AGAP1: variants seen among roughly 807,000 people sequenced by gnomAD.
AGAP1 encodes the protein ArfGAP with GTPase domain, ankyrin repeat and PH domain 1.
A neutral mutation model predicts 105.3 loss-of-function variants in AGAP1; 29 were observed. The ratio of observed to expected loss-of-function variants is 0.28; its 90% CI spans 0.21 to 0.38. AGAP1 has a LOEUF of 0.38. Among genes scored for constraint, AGAP1 ranks in the 10% least tolerant of loss-of-function variants. AGAP1 has a pLI of 1.00. For synonymous variants in AGAP1, 509 were observed against 485.9 expected (o/e 1.05, Z -0.63); for missense variants, 998 against 1,165.1 (o/e 0.86, Z 2.09).
intron 13 of AGAP1, among the ~76,000 whole-genome samples, chr2:236,004,500 G>A (rs1212394717): frequency 6.6e-6 from 1 of 152,178 alleles, no homozygotes; most frequent in Non-Finnish European, 1.5e-5. Context: ...ATAATTTCAA[G>A]CAGTGTTCTG....
chr2:236,049,054 C>G lies in AGAP1; in HGVS notation c.1892-5C>G, dbSNP rs202244981. On this transcript the variant is annotated splice_polypyrimidine_tract_variant and splice_region_variant and intron_variant, in intron 15 of 17. Coordinates refer to ENST00000304032, the MANE Select transcript of AGAP1 (RefSeq NM_001037131.3). ...GCGTTTAGCGTTCTGTTCCTCTTCCCGTAGATCCCAACTGGGCCAGTTTGA... is the reference window on the plus strand; with the variant it reads ...GCGTTTAGCGTTCTGTTCCTCTTCCGGTAGATCCCAACTGGGCCAGTTTGA... The G allele has an allele frequency of 3.1e-6, 5 of 1,612,198 alleles. No individual in the cohort carries two copies. In the South Asian group the frequency reaches 5.5e-5, roughly 18 times the overall value.
rs2049700196 is a variant in AGAP1 at position 235,875,847 on chromosome 2, C to T, written c.1051-7498C>T. ...TCTTCCAAAATACATTATAATTGCA[C>T]TAGGGACTTCTAAATTTTTATTCAA... On this transcript the variant is annotated intron_variant, in intron 9 of 17. Transcript: ENST00000304032. This position sits in a 1 kb window ranked among gnomAD's most constrained non-coding sequence, Gnocchi z 4.0. 6.6e-6 allele frequency among the ~76,000 whole-genome samples: 1 copy of T among 152,148 alleles called. No homozygotes were observed. Among genetic ancestry groups the T allele is most frequent in the Non-Finnish European group, 1.5e-5 (1 of 68,032 alleles).
chr2:235,500,957 C>T (rs1278021278), intron 1 of AGAP1, among the ~76,000 whole-genome samples: 1 of 152,186 alleles, frequency 6.6e-6, no homozygotes, highest in East Asian at 1.9e-4. Flanking sequence ...ACACCCTCCC[C>T]CAAACAACCA....
intron 1 of AGAP1, among the ~76,000 whole-genome samples, chr2:235,579,788 A>G (rs559267093): frequency 6.6e-6 from 1 of 152,226 alleles, no homozygotes; most frequent in African/African-American, 2.4e-5. Flanking sequence ...AAAAAAAAAA[A>G]AAGTGAACAC....
At chr2:236,094,560 C>CA (rs2059146865) in intron 16 of AGAP1, among the ~76,000 whole-genome samples, 1 of 151,996 alleles carries the variant, frequency 6.6e-6, no homozygotes, top group Non-Finnish European at 1.5e-5. Context: ...CCGTGTTGTT[C>CA]AGGCTGGTCT....
chr2:235,925,701 C>T (rs1285122530), intron 11 of AGAP1, among the ~76,000 whole-genome samples: 3 of 152,124 alleles, frequency 2.0e-5, no homozygotes, highest in Non-Finnish European at 4.4e-5. Context: ...TGACTGTCGG[C>T]GGCCACGTGG....
chr2:235,849,617 G>A (rs1961926070), intron 9 of AGAP1, among the ~76,000 whole-genome samples: 4 of 150,364 alleles, frequency 2.7e-5, no homozygotes, highest in African/African-American at 4.8e-5. Context: ...AGCCTCTGCA[G>A]CCACGACTTC....
rs754054151 is a variant in AGAP1 at position 235,963,457 on chromosome 2, A to G, written c.1484-5005A>G. On this transcript the variant is annotated intron_variant, in intron 12 of 17. Coordinates refer to ENST00000304032, the MANE Select transcript of AGAP1 (RefSeq NM_001037131.3). This position sits in a 1 kb window ranked among gnomAD's most constrained non-coding sequence, Gnocchi z 5.1. ...TGAACAGAGGTAGTTTATTAAAGAGAATGAATAGACATCAAATAGATGGCC... is the reference window on the plus strand; with the variant it reads ...TGAACAGAGGTAGTTTATTAAAGAGGATGAATAGACATCAAATAGATGGCC... 6.6e-6 allele frequency among the ~76,000 whole-genome samples: 1 copy of G among 152,194 alleles called. No homozygotes were observed. The highest frequency in any genetic ancestry group is 1.5e-5 in the Non-Finnish European group (1 of 68,038).
chr2:235,940,811 T>C (rs1263064614), intron 12 of AGAP1, among the ~76,000 whole-genome samples: 1 of 152,140 alleles, frequency 6.6e-6, no homozygotes, highest in Non-Finnish European at 1.5e-5. Flanking sequence ...AGAGAGGGGC[T>C]TCAGGGTCTT....
chr2:236,047,705 T>C (rs138232431), intron 15 of AGAP1, among the ~76,000 whole-genome samples: 3,590 of 147,864 alleles, frequency 0.024, 133 homozygotes, highest in African/African-American at 0.086. Flanking sequence ...GTTCAAGCGA[T>C]TCTCCAGCCT....
rs577938177 is a variant in AGAP1, at chr2:235,887,313, C to T, written c.1155+3864C>T. ...GGGTTTCAGAGTCATTATTGTTGCT[C>T]CTAACTCTATTACTGACCACAGCGT... On this transcript the variant is annotated intron_variant, in intron 10 of 17. Coordinates refer to ENST00000304032, the MANE Select transcript of AGAP1 (RefSeq NM_001037131.3). This position sits in a 1 kb window ranked among gnomAD's most constrained non-coding sequence, Gnocchi z 4.1. 6.6e-6 allele frequency among the ~76,000 whole-genome samples: 1 copy of T among 152,206 alleles called. No individual in the cohort carries two copies. Among genetic ancestry groups the T allele is most frequent in the South Asian group, 2.1e-4 (1 of 4,814 alleles).
intron 16 of AGAP1, among the ~76,000 whole-genome samples, chr2:236,097,058 T>A (rs557773612): frequency 6.6e-6 from 1 of 152,214 alleles, no homozygotes; most frequent in Non-Finnish European, 1.5e-5. Context: ...CCTTATGGTT[T>A]GGGATTCAAG....
rs1351654308 is a variant in AGAP1 at position 235,906,557 on chromosome 2, C to T, written c.1156-2181C>T. On this transcript the variant is annotated intron_variant, in intron 10 of 17. Transcript: ENST00000304032. This position sits in a 1 kb window ranked among gnomAD's most constrained non-coding sequence, Gnocchi z 5.3. ...CCCTCATGTAAAGAGGTTCTCCTCC[C>T]GCCCGTCCTGCCGTTGAGAATTCCT... is the stretch of plus-strand genomic sequence containing the variant. Among the ~76,000 whole-genome samples the T allele has an allele frequency of 1.3e-5, 2 of 152,140 alleles. No homozygotes were observed. The highest frequency in any genetic ancestry group is 4.8e-5 in the African/African-American group (2 of 41,418).
chr2:235,550,302 G>T lies in AGAP1; in HGVS notation c.163+55453G>T, dbSNP rs947447656. Among the ~76,000 whole-genome samples, 9 of 152,158 alleles carry T rather than the reference G, an allele frequency of 5.9e-5. No homozygotes were observed. The highest frequency in any genetic ancestry group is 8.8e-5 in the Non-Finnish European group (6 of 68,028). ...CCCCACGTTCATGCCCTGTACTAGGGTCCCCTCTGGCACTCTTTCTCTGGG... is the reference window on the plus strand; with the variant it reads ...CCCCACGTTCATGCCCTGTACTAGGTTCCCCTCTGGCACTCTTTCTCTGGG... On this transcript the variant is annotated intron_variant, in intron 1 of 17. Transcript: ENST00000304032. The surrounding 1 kb of genome is among the most constrained non-coding windows in gnomAD (Gnocchi z 4.6).
chr2:236,112,861 C>CG (rs1217218978), intron 16 of AGAP1, among the ~76,000 whole-genome samples: 1 of 152,222 alleles, frequency 6.6e-6, no homozygotes, highest in East Asian at 1.9e-4. Context: ...GTCCTGAAGG[C>CG]GGGGGCCAGA....
chr2:235,662,436 G>C lies in AGAP1; in HGVS notation c.164-46743G>C, dbSNP rs987887562. Among the ~76,000 whole-genome samples, 1 of 151,990 alleles carries C rather than the reference G, an allele frequency of 6.6e-6. No individual in the cohort carries two copies. The highest frequency in any genetic ancestry group is 2.4e-5 in the African/African-American group (1 of 41,382). On this transcript the variant is annotated intron_variant, in intron 1 of 17. Transcript: ENST00000304032. This position sits in a 1 kb window ranked among gnomAD's most constrained non-coding sequence, Gnocchi z 4.2. ...GGAGGGGAGGACTCACAGCAGTTTTGAAGTAATGTAGATTGTGTGGCCATC... is the reference window on the plus strand; with the variant it reads ...GGAGGGGAGGACTCACAGCAGTTTTCAAGTAATGTAGATTGTGTGGCCATC...
chr2:235,503,990 T>G lies in AGAP1; in HGVS notation c.163+9141T>G, dbSNP rs536946543. On this transcript the variant is annotated intron_variant, in intron 1 of 17. Transcript: ENST00000304032. ...AAGCCTTGCTTTCCTGAAGCGATCCTCCTGCCTTGGCCTCCCAAATAGCTG... is the reference window on the plus strand; with the variant it reads ...AAGCCTTGCTTTCCTGAAGCGATCCGCCTGCCTTGGCCTCCCAAATAGCTG... Among the ~76,000 whole-genome samples the G allele has an allele frequency of 2.0e-5, 3 of 152,290 alleles. No individual in the cohort carries two copies. In the East Asian group the frequency reaches 5.8e-4, roughly 29 times the overall value.
rs144550613 is a variant in AGAP1 at position 235,941,936 on chromosome 2, A to G, written c.1483+11013A>G. ...CCGGTATGGAAGAGTGAGGAAAAGC[A>G]TTCTAAAAAGGTTTGCCCGTGATCC... On this transcript the variant is annotated intron_variant, in intron 12 of 17. Transcript: ENST00000304032. Among the ~76,000 whole-genome samples the G allele has an allele frequency of 9.3e-3, 1,421 of 152,254 alleles. 17 individuals carry two copies. Among genetic ancestry groups the G allele is most frequent in the African/African-American group, 0.031 (1,302 of 41,540 alleles).
At chr2:235,696,680 A>G (rs902569747) in intron 1 of AGAP1, among the ~76,000 whole-genome samples, 24 of 152,182 alleles carry the variant, frequency 1.6e-4, no homozygotes, top group African/African-American at 5.6e-4. Context: ...TAGTGGCACC[A>G]TGCTATCGCT....
Sources: gnomAD v4.1 joint callset for allele counts (sites outside exome capture counted in the v4.1 genomes callset) on GRCh38, gnomAD v4.1.1 for gene constraint, Gnocchi (gnomAD v3.1) non-coding constraint, MANE v1.5 for transcripts, NCBI Gene and HGNC (gene_info 2026-07-23, HGNC 2026-07-21) for gene names.